EML6: variants seen among roughly 807,000 people sequenced by gnomAD.
EML6 encodes EMAP like 6.
EML6 carries 154 observed loss-of-function variants against 240.1 expected under a neutral mutation model. That is an observed-to-expected ratio of 0.64 (90% confidence interval 0.56 to 0.73). The LOEUF (loss-of-function observed/expected upper bound fraction) is 0.73, where lower values mean the gene tolerates loss of function less well. Among genes scored for constraint, EML6 ranks in the 30% least tolerant of loss-of-function variants. The probability of loss-of-function intolerance (pLI) is 0.00; values close to 1 mark genes in which losing one functional copy is unlikely to be tolerated. For synonymous variants in EML6, 1,148 were observed against 899.0 expected, an observed-to-expected ratio of 1.28 and a Z score of -4.95; for missense variants, 2,964 against 2,474.6, an observed-to-expected ratio of 1.20 and a Z score of -4.20.
At chr2:54,816,748 C>T (rs1406105686) in intron 3 of EML6, 39 bp from the exon 4 acceptor site, 2 of 1,394,124 alleles carry the variant, frequency 1.4e-6, no homozygotes, top group Admixed American at 2.0e-5. Context: ...TAAGTCTTCC[C>T]ATCACTTTTA....
At chr2:54,834,990 T>G (rs1445992602) in intron 7 of EML6, among the ~76,000 whole-genome samples, 4 of 152,218 alleles carry the variant, frequency 2.6e-5, no homozygotes, top group African/African-American at 4.8e-5. Context: ...AAAGTCCTTA[T>G]GGCAGCCACC....
chr2:54,968,336 G>C, intron 40 of EML6, 55 bp downstream of exon 40: 1 of 1,509,946 alleles, frequency 6.6e-7, no homozygotes, highest in Non-Finnish European at 9.0e-7. Flanking sequence ...CCGTCTGCAG[G>C]AGATAGGGGC....
At chr2:54,726,648 AGTT>A (rs1215618251) in intron 2 of EML6, among the ~76,000 whole-genome samples, 1 of 152,098 alleles carries the variant, frequency 6.6e-6, no homozygotes, top group Non-Finnish European at 1.5e-5. Flanking sequence ...CTAACATGGT[AGTT>A]GTTGTGCTTG....
rs1220367278 is a variant in EML6 at position 54,964,606 on chromosome 2, C to T, written c.5366C>T (p.Ser1789Phe). Reference sequence around the variant, plus strand: ...GACAACCGATTCTTAGCCGTTGGTTCTTCTGAACACACAGTTGACTTCTAT... The same window carrying T: ...GACAACCGATTCTTAGCCGTTGGTTTTTCTGAACACACAGTTGACTTCTAT... ...SPDNRFLAVG[S>F]SEHTVDFYDL... is the part of the protein sequence containing the mutation. Residue 1789 changes from serine (S) to phenylalanine (F), a missense_variant, in exon 38 of 42, where the codon TCT (serine) becomes TTT (phenylalanine). Transcript: ENST00000356458. The T allele has an allele frequency of 1.3e-6, 2 of 1,552,432 alleles. No individual in the cohort carries two copies. The highest frequency in any genetic ancestry group is 1.4e-5 in the African/African-American group (1 of 73,186).
chr2:54,849,943 T>C lies in EML6; in HGVS notation c.1188-19T>C, dbSNP rs955132368. On this transcript the variant is annotated intron_variant, in intron 9 of 41. Coordinates refer to ENST00000356458, the MANE Select transcript of EML6 (RefSeq NM_001039753.4). Reference sequence around the variant, plus strand: ...ATTTGTAGAATTGCTGCTTATCGTTTTGCTTTTTATTCTTACAGAGATATG... The same window carrying C: ...ATTTGTAGAATTGCTGCTTATCGTTCTGCTTTTTATTCTTACAGAGATATG... The C allele has an allele frequency of 6.5e-7, 1 of 1,539,862 alleles. No individual in the cohort carries two copies. Among genetic ancestry groups the C allele is most frequent in the Non-Finnish European group, 8.8e-7 (1 of 1,138,962 alleles).
rs115961752 is a variant in EML6, at chr2:54,930,009, C to G, written c.4004+1258C>G. 1.9e-3 allele frequency among the ~76,000 whole-genome samples: 292 copies of G among 152,118 alleles called. 1 individual carries two copies. Among genetic ancestry groups the G allele is most frequent in the African/African-American group, 7.0e-3 (289 of 41,498 alleles). ...ATTAAGGGGAAAAAAGAACCATATGCACAGAAGTGCATGAATAGGCCTCCC... is the reference window on the plus strand; with the variant it reads ...ATTAAGGGGAAAAAAGAACCATATGGACAGAAGTGCATGAATAGGCCTCCC... On this transcript the variant is annotated intron_variant, in intron 28 of 41. Transcript: ENST00000356458.
intron 2 of EML6, among the ~76,000 whole-genome samples, chr2:54,810,177 T>C (rs1209604012): frequency 6.6e-6 from 1 of 152,178 alleles, no homozygotes; most frequent in African/African-American, 2.4e-5. Context: ...AAAGAGATGA[T>C]TTAACAAACA....
chr2:54,942,434 C>T (rs1309333298), intron 28 of EML6, among the ~76,000 whole-genome samples: 2 of 152,204 alleles, frequency 1.3e-5, no homozygotes, highest in African/African-American at 4.8e-5. Context: ...CTCACAGATT[C>T]TCCATCTGGG....
chr2:54,842,373 C>G (rs934574400), intron 7 of EML6, among the ~76,000 whole-genome samples: 3 of 152,164 alleles, frequency 2.0e-5, no homozygotes, highest in African/African-American at 7.2e-5. Flanking sequence ...TCAAATACTT[C>G]AAAGTATTAT....
chr2:54,806,447 T>A (rs1419878921), intron 2 of EML6, among the ~76,000 whole-genome samples: 1 of 151,744 alleles, frequency 6.6e-6, no homozygotes, highest in African/African-American at 2.4e-5. Context: ...ACCCTGTCTC[T>A]ACTAAAAATA....
chr2:54,920,834 G>A (rs768495313), intron 26 of EML6, among the ~76,000 whole-genome samples: 4 of 152,010 alleles, frequency 2.6e-5, no homozygotes, highest in South Asian at 4.1e-4. Flanking sequence ...TGTGTTCCTG[G>A]GATGCAAGGA....
At chr2:54,877,664 T>G (rs1452962919) in intron 16 of EML6, among the ~76,000 whole-genome samples, 2 of 152,232 alleles carry the variant, frequency 1.3e-5, no homozygotes, top group African/African-American at 2.4e-5. Flanking sequence ...CTGGTAACAT[T>G]TAAGCATAAG....
chr2:54,758,533 G>A (rs918386170), intron 2 of EML6, among the ~76,000 whole-genome samples: 1 of 152,042 alleles, frequency 6.6e-6, no homozygotes, highest in Non-Finnish European at 1.5e-5. Flanking sequence ...TCTCTGGGAC[G>A]GTTTTCCCAG....
At chr2:54,866,504 T>A (rs780294062) in intron 13 of EML6, among the ~76,000 whole-genome samples, 1 of 152,174 alleles carries the variant, frequency 6.6e-6, no homozygotes, top group African/African-American at 2.4e-5. Flanking sequence ...ATACTTAATT[T>A]CCTTTAAAAT....
intron 8 of EML6, among the ~76,000 whole-genome samples, chr2:54,845,253 A>G (rs1046404930): frequency 3.3e-5 from 5 of 152,232 alleles, no homozygotes; most frequent in Admixed American, 1.3e-4. Flanking sequence ...TCCTTGTGTG[A>G]CATAAATGGT....
At chr2:54,940,762 C>G (rs958164039) in intron 28 of EML6, among the ~76,000 whole-genome samples, 1 of 152,190 alleles carries the variant, frequency 6.6e-6, no homozygotes, top group African/African-American at 2.4e-5. Flanking sequence ...CCAGGGTGCC[C>G]CAGTTGGCCC....
At chr2:54,899,976 C>T (rs1672969955) in intron 22 of EML6, among the ~76,000 whole-genome samples, 194 bp downstream of exon 22, 1 of 152,306 alleles carries the variant, frequency 6.6e-6, no homozygotes, top group Non-Finnish European at 1.5e-5. Flanking sequence ...CTGGCCTAAT[C>T]CAGCTCCATT....
intron 7 of EML6, among the ~76,000 whole-genome samples, chr2:54,842,402 C>G (rs535774245): frequency 6.6e-6 from 1 of 152,248 alleles, no homozygotes; most frequent in African/African-American, 2.4e-5. Context: ...AGTTTTAGAG[C>G]CTCTTAAAGG....
chr2:54,885,015 A>G (rs914033215), intron 17 of EML6, among the ~76,000 whole-genome samples: 1 of 151,920 alleles, frequency 6.6e-6, no homozygotes, highest in Admixed American at 6.6e-5. Context: ...ACAAAAAATT[A>G]CCCGGGCATG....
Sources: allele counts gnomAD v4.1 joint callset (sites outside exome capture counted in the v4.1 genomes callset), GRCh38; gene constraint gnomAD v4.1.1; transcripts MANE v1.5; gene names NCBI Gene and HGNC (gene_info 2026-07-23, HGNC 2026-07-21).